ENOX2: variants seen among roughly 807,000 people sequenced by gnomAD.
ENOX2 encodes ecto-NOX disulfide-thiol exchanger 2.
ENOX2 carries 36 observed loss-of-function variants against 45.0 expected under a neutral mutation model. The observed-to-expected ratio is 0.80, with a 90% confidence interval of 0.61 to 1.06. ENOX2 has a LOEUF of 1.06. Ranked by LOEUF, ENOX2 falls within the 50% of genes least tolerant of loss-of-function variation. The probability of loss-of-function intolerance (pLI) is 0.00; values close to 1 mark genes in which losing one functional copy is unlikely to be tolerated. For missense variants in ENOX2, 423 were observed against 462.5 expected (o/e 0.91, Z 0.78); for synonymous variants, 174 against 152.3 (o/e 1.14, Z -1.05).
chrX:130,764,053 T>C (rs902554222), intron 3 of ENOX2, among the ~76,000 whole-genome samples: 2 of 111,201 alleles, frequency 1.8e-5, no homozygotes, highest in Non-Finnish European at 3.8e-5. Context: ...GTACGAGATA[T>C]ATGAGGCAAA....
chrX:130,701,396 T>C (rs970284908), intron 4 of ENOX2, among the ~76,000 whole-genome samples: 3 of 110,918 alleles, frequency 2.7e-5, no homozygotes, highest in African/African-American at 9.8e-5. Context: ...AATATATATT[T>C]CAGTTTAAAT....
At chrX:130,883,301 G>C (rs770203762) in intron 2 of ENOX2, among the ~76,000 whole-genome samples, 20 of 111,209 alleles carry the variant, frequency 1.8e-4, no homozygotes, top group Non-Finnish European at 5.7e-5. Flanking sequence ...AGTAGAGACA[G>C]GGTTTTGCCA....
In ENOX2 at chrX:130,817,649, C is replaced by T. The variant is rs183200273; in HGVS notation, c.-182-33959G>A. Among the ~76,000 whole-genome samples, 47 of 112,031 alleles carry T rather than the reference C, an allele frequency of 4.2e-4. No individual in the cohort carries two copies. The East Asian group carries it at 6.1e-3, about 15-fold the overall frequency. On this transcript the variant is annotated intron_variant, in intron 2 of 14. Transcript: ENST00000394363. ...CAATAAATGTAATCCATCACATAAACGGAACCAATGACAAAAACCACGATT... is the reference window on the plus strand; with the variant it reads ...CAATAAATGTAATCCATCACATAAATGGAACCAATGACAAAAACCACGATT...
At chrX:130,822,249 T>A in intron 2 of ENOX2, among the ~76,000 whole-genome samples, 1 of 111,110 alleles carries the variant, frequency 9.0e-6, no homozygotes, top group East Asian at 2.8e-4. Context: ...GTACAGATGG[T>A]CCTTGACATA....
intron 3 of ENOX2, among the ~76,000 whole-genome samples, chrX:130,745,343 T>C (rs1005584824): frequency 1.8e-5 from 2 of 112,027 alleles, no homozygotes; most frequent in Non-Finnish European, 3.8e-5. Flanking sequence ...GAAAATATGC[T>C]AAAGTATAGC....
At chrX:130,766,754 T>C (rs892223821) in intron 3 of ENOX2, among the ~76,000 whole-genome samples, 1 of 111,767 alleles carries the variant, frequency 8.9e-6, no homozygotes, top group East Asian at 2.8e-4. Flanking sequence ...TGCACATGGG[T>C]CTATTTCTGG....
chrX:130,675,073 A>C (rs753806447), intron 6 of ENOX2, among the ~76,000 whole-genome samples: 9 of 106,588 alleles, frequency 8.4e-5, no homozygotes, highest in African/African-American at 3.1e-4. Context: ...GTGCCGCAAT[A>C]AACATACGTG....
intron 2 of ENOX2, among the ~76,000 whole-genome samples, chrX:130,798,571 T>C (rs2077170324): frequency 8.9e-6 from 1 of 112,156 alleles, no homozygotes; most frequent in South Asian, 3.7e-4. Flanking sequence ...ATTAGAAGGG[T>C]TACTGGAAAA....
At chrX:130,783,336 CTGA>C (rs1057039478) in intron 3 of ENOX2, among the ~76,000 whole-genome samples, 1 of 112,020 alleles carries the variant, frequency 8.9e-6, no homozygotes, top group African/African-American at 3.2e-5. Flanking sequence ...TGCCACAGCA[CTGA>C]TGATACTCTA....
At chrX:130,833,949 G>T (rs768965102) in intron 2 of ENOX2, among the ~76,000 whole-genome samples, 29 of 111,535 alleles carry the variant, frequency 2.6e-4, no homozygotes, top group African/African-American at 9.1e-4. Flanking sequence ...GCCAGAAATT[G>T]CTCTTGGTGC....
intron 2 of ENOX2, among the ~76,000 whole-genome samples, chrX:130,817,714 C>T (rs2077514730): frequency 8.9e-6 from 1 of 112,217 alleles, no homozygotes; most frequent in African/African-American, 3.2e-5. Flanking sequence ...TGAAATTCAA[C>T]ACCACTTCAT....
chrX:130,696,801 G>A (rs1048095992), intron 4 of ENOX2, among the ~76,000 whole-genome samples: 4 of 110,940 alleles, frequency 3.6e-5, no homozygotes, highest in Non-Finnish European at 7.6e-5. Flanking sequence ...CTTCCCCTGA[G>A]GACTGGTATA....
At chrX:130,709,755 A>C (rs1213237793) in intron 3 of ENOX2, among the ~76,000 whole-genome samples, 2 of 110,601 alleles carry the variant, frequency 1.8e-5, no homozygotes, top group Non-Finnish European at 3.8e-5. Context: ...AGGACTCAGA[A>C]AAATGATGAA....
intron 2 of ENOX2, among the ~76,000 whole-genome samples, chrX:130,809,870 G>A (rs765182443): frequency 1.6e-3 from 176 of 110,872 alleles, no homozygotes; most frequent in Non-Finnish European, 2.2e-3. Context: ...ATGATTGAAA[G>A]TGGAAAGACC....
intron 2 of ENOX2, among the ~76,000 whole-genome samples, chrX:130,849,181 T>C (rs1192286173): frequency 8.9e-6 from 1 of 112,773 alleles, no homozygotes; most frequent in East Asian, 2.8e-4. Flanking sequence ...ATTTTCTTAA[T>C]CTTAACAATA....
rs146371026 is a variant in ENOX2, at chrX:130,870,795, C to T, written c.-183+30889G>A. ...TTATTTTGCCCTCTTAAGTCTATGTCAACCTTTTTCTGTGTGTTTTAAGAG... is the reference window on the plus strand; with the variant it reads ...TTATTTTGCCCTCTTAAGTCTATGTTAACCTTTTTCTGTGTGTTTTAAGAG... On this transcript the variant is annotated intron_variant, in intron 2 of 14. Coordinates refer to ENST00000394363, the MANE Select transcript of ENOX2 (RefSeq NM_006375.4). Among the ~76,000 whole-genome samples, 59 of 108,863 alleles carry T rather than the reference C, an allele frequency of 5.4e-4. No homozygotes were observed. In the East Asian group the frequency reaches 0.015, roughly 28 times the overall value. 94.5% of individuals were successfully genotyped at this position (108,863 alleles called of 115,157 possible).
chrX:130,821,742 TAAAA>T, intron 2 of ENOX2, among the ~76,000 whole-genome samples: 663 of 23,019 alleles, frequency 0.029, 1 homozygote, highest in Non-Finnish European at 0.039. Flanking sequence ...ATAAATAAAT[TAAAA>T]AAAAAAAAAA....
intron 2 of ENOX2, among the ~76,000 whole-genome samples, chrX:130,825,011 T>C (rs891704203): frequency 9.0e-6 from 1 of 110,954 alleles, no homozygotes; most frequent in African/African-American, 3.3e-5. Context: ...AACACCACTT[T>C]AAGGTGAAAA....
intron 14 of ENOX2, among the ~76,000 whole-genome samples, chrX:130,626,135 G>A (rs2035541156): frequency 1.8e-5 from 2 of 111,314 alleles, no homozygotes; most frequent in Admixed American, 9.5e-5. Context: ...AATATCCCTG[G>A]AGCTGGAGGG....
Sources: allele counts gnomAD v4.1 joint callset (sites outside exome capture counted in the v4.1 genomes callset), GRCh38; gene constraint gnomAD v4.1.1; transcripts MANE v1.5; gene names NCBI Gene and HGNC (gene_info 2026-07-23, HGNC 2026-07-21).